Variants in TNKS observed in about 807,000 individuals in gnomAD.
TNKS encodes the protein tankyrase, also known as poly [ADP-ribose] polymerase tankyrase-1.
TNKS carries 72 observed loss-of-function variants against 135.8 expected under a neutral mutation model. That is an observed-to-expected ratio of 0.53 (90% CI 0.44 to 0.64). The LOEUF (loss-of-function observed/expected upper bound fraction) is 0.64, where lower values mean the gene tolerates loss of function less well. Ranked by LOEUF, TNKS falls within the 30% of genes least tolerant of loss-of-function variation. The pLI is 0.00. For missense variants in TNKS, 1,769 were observed against 1,674.0 expected, an observed-to-expected ratio of 1.06 and a Z score of -0.99; for synonymous variants, 849 against 649.3, an observed-to-expected ratio of 1.31 and a Z score of -4.68.
At chr8:9,735,279 G>A in intron 16 of TNKS, 98 bp from the exon 17 acceptor site, 5 of 1,240,674 alleles carry the variant, frequency 4.0e-6, no homozygotes, top group Non-Finnish European at 5.7e-6. Flanking sequence ...GAAGCAAAAA[G>A]TATTAAAACC....
chr8:9,571,334 A>C (rs1263026738), intron 1 of TNKS, among the ~76,000 whole-genome samples: 1 of 152,208 alleles, frequency 6.6e-6, no homozygotes, highest in East Asian at 1.9e-4. Flanking sequence ...CGCTTTGGTA[A>C]TCGTCTTAGT....
chr8:9,758,018 T>G (rs1341577002), intron 20 of TNKS, among the ~76,000 whole-genome samples: 5 of 152,224 alleles, frequency 3.3e-5, no homozygotes, highest in Non-Finnish European at 7.3e-5. Flanking sequence ...AGTCATCCTT[T>G]TAAAGAATAT....
intron 20 of TNKS, among the ~76,000 whole-genome samples, chr8:9,758,795 T>TAATA (rs1806987886): frequency 1.3e-5 from 2 of 152,242 alleles, no homozygotes; most frequent in Non-Finnish European, 2.9e-5. Context: ...TGCTGCTGCT[T>TAATA]GATAAATTAC....
intron 3 of TNKS, among the ~76,000 whole-genome samples, chr8:9,655,158 CTG>C (rs1256962445): frequency 9.2e-5 from 14 of 152,194 alleles, no homozygotes; most frequent in Non-Finnish European, 1.5e-5. Flanking sequence ...GCCCAGCAGT[CTG>C]AGATCAAACT....
At chr8:9,613,547 G>T (rs1035819488) in intron 2 of TNKS, among the ~76,000 whole-genome samples, 1 of 152,308 alleles carries the variant, frequency 6.6e-6, no homozygotes, top group East Asian at 1.9e-4. Context: ...TGTGAATTTT[G>T]TTATCAGCAT....
intron 20 of TNKS, among the ~76,000 whole-genome samples, chr8:9,754,327 A>G (rs532328380): frequency 6.6e-5 from 10 of 152,238 alleles, no homozygotes; most frequent in African/African-American, 2.4e-4. Flanking sequence ...ATCTTCCCCT[A>G]TTTTAGAATA....
intron 3 of TNKS, among the ~76,000 whole-genome samples, chr8:9,669,895 T>C (rs1802190722): frequency 6.6e-6 from 1 of 152,200 alleles, no homozygotes; most frequent in South Asian, 2.1e-4. Context: ...CTAAATATTA[T>C]ATCTAAAAGG....
chr8:9,588,530 C>G (rs781051483), intron 2 of TNKS, among the ~76,000 whole-genome samples: 1 of 152,190 alleles, frequency 6.6e-6, no homozygotes, highest in Non-Finnish European at 1.5e-5. Flanking sequence ...CCCACCTCGG[C>G]GTTCCAAAGT....
intron 5 of TNKS, among the ~76,000 whole-genome samples, chr8:9,693,875 A>G (rs1803391163): frequency 6.6e-6 from 1 of 152,192 alleles, no homozygotes; most frequent in African/African-American, 2.4e-5. Flanking sequence ...ACTGATTTAC[A>G]TTGCCTGGCT....
At chr8:9,687,948 G>A (rs182466599) in intron 5 of TNKS, among the ~76,000 whole-genome samples, 1 of 152,194 alleles carries the variant, frequency 6.6e-6, no homozygotes, top group African/African-American at 2.4e-5. Flanking sequence ...CATTAGTAGA[G>A]TGGATTACAA....
chr8:9,672,694 A>C, intron 3 of TNKS, among the ~76,000 whole-genome samples: 1 of 123,404 alleles, frequency 8.1e-6, no homozygotes, highest in African/African-American at 2.9e-5. Context: ...ACACACACAC[A>C]CACACACACA....
chr8:9,666,925 A>G (rs1802026602), intron 3 of TNKS, among the ~76,000 whole-genome samples: 1 of 152,284 alleles, frequency 6.6e-6, no homozygotes, highest in African/African-American at 2.4e-5. Context: ...GGTATGTAAT[A>G]TATTTCATAA....
chr8:9,609,875 T>G (rs1315739396), intron 2 of TNKS, among the ~76,000 whole-genome samples: 1 of 152,202 alleles, frequency 6.6e-6, no homozygotes. Context: ...TTTTTCTTTT[T>G]GAAGTGGAGT....
chr8:9,565,910 G>T (rs1175086345), intron 1 of TNKS, among the ~76,000 whole-genome samples: 1 of 152,040 alleles, frequency 6.6e-6, no homozygotes, highest in Non-Finnish European at 1.5e-5. Context: ...CTGATGCCTT[G>T]TTAAAGTGTG....
intron 24 of TNKS, among the ~76,000 whole-genome samples, 192 bp from the exon 25 acceptor site, chr8:9,766,047 C>G (rs533179827): frequency 6.6e-6 from 1 of 152,098 alleles, no homozygotes; most frequent in Admixed American, 6.6e-5. Flanking sequence ...CAAATTGAGC[C>G]ACCTAGTGAA....
intron 5 of TNKS, among the ~76,000 whole-genome samples, chr8:9,689,833 C>G (rs1803176901): frequency 6.6e-6 from 1 of 152,198 alleles, no homozygotes; most frequent in South Asian, 2.1e-4. Flanking sequence ...ATCTAATGAT[C>G]TAAGGTGGAC....
At chr8:9,574,296 C>A (rs923448822) in intron 1 of TNKS, among the ~76,000 whole-genome samples, 2 of 152,170 alleles carry the variant, frequency 1.3e-5, no homozygotes, top group African/African-American at 4.8e-5. Flanking sequence ...ACCTGCTTTG[C>A]CTGACCCTTC....
chr8:9,736,478 C>G (rs935900864), intron 17 of TNKS, among the ~76,000 whole-genome samples: 1 of 151,822 alleles, frequency 6.6e-6, no homozygotes, highest in Non-Finnish European at 1.5e-5. Context: ...TCCTTGCCCA[C>G]GCCTATGTCC....
chr8:9,574,713 G>C (rs919846504), intron 1 of TNKS, among the ~76,000 whole-genome samples: 1 of 152,164 alleles, frequency 6.6e-6, no homozygotes, highest in Non-Finnish European at 1.5e-5. Context: ...GTTCAAGGCA[G>C]TAGTGTGTCT....
Sources: allele counts gnomAD v4.1 joint callset (sites outside exome capture counted in the v4.1 genomes callset), GRCh38; gene constraint gnomAD v4.1.1; transcripts MANE v1.5; gene names NCBI Gene and HGNC (gene_info 2026-07-23, HGNC 2026-07-21).